Variants in SIK3 observed in about 807,000 individuals in gnomAD.
The protein encoded by SIK3 is SIK family kinase 3, also known as serine/threonine-protein kinase SIK3.
In SIK3, 28 loss-of-function variants were observed where a neutral mutation model predicts 144.2. The ratio of observed to expected loss-of-function variants is 0.19; its 90% CI spans 0.14 to 0.27. The LOEUF (loss-of-function observed/expected upper bound fraction) is 0.27. Ranked by LOEUF, SIK3 falls within the 10% of genes least tolerant of loss-of-function variation. The pLI, the probability that SIK3 is intolerant of heterozygous loss-of-function variation, is 1.00. For missense variants in SIK3, 1,319 were observed against 1,776.0 expected, an observed-to-expected ratio of 0.74 and a Z score of 4.62; for synonymous variants, 686 against 676.3, an observed-to-expected ratio of 1.01 and a Z score of -0.22.
intron 6 of SIK3, among the ~76,000 whole-genome samples, chr11:116,893,066 T>C (rs1945212769): frequency 6.6e-6 from 1 of 152,174 alleles, no homozygotes. Context: ...GAGAAATGGA[T>C]AAACAGGCAG....
intron 1 of SIK3, among the ~76,000 whole-genome samples, chr11:117,043,105 T>G (rs1407631341): frequency 2.0e-5 from 3 of 152,142 alleles, no homozygotes; most frequent in Admixed American, 2.0e-4. Context: ...AATTATAAAT[T>G]ATTGACTTGA....
chr11:117,019,621 CTT>C (rs570744315), intron 1 of SIK3, among the ~76,000 whole-genome samples: 1 of 146,448 alleles, frequency 6.8e-6, no homozygotes. Flanking sequence ...TCAACCCCTT[CTT>C]TTTTTTTTTT....
Position 117,049,646 on chromosome 11 carries a change from T to C in SIK3, c.273+48497A>G, listed in dbSNP as rs571472439. On this transcript the variant is annotated intron_variant, in intron 1 of 24. Transcript: ENST00000445177. ...AAAACCTTTTTTACCCCTGAAAATT[T>C]TATTCAAAATAGAGTTTTAAAATGG... Among the ~76,000 whole-genome samples the C allele has an allele frequency of 5.9e-5, 9 of 152,166 alleles. No individual in the cohort carries two copies. The South Asian group carries it at 1.9e-3, about 32-fold the overall frequency.
intron 1 of SIK3, 35 bp from the exon 2 acceptor site, chr11:116,957,099 T>C: frequency 8.0e-7 from 1 of 1,248,074 alleles, no homozygotes; most frequent in South Asian, 1.5e-5. Flanking sequence ...CTCTGATGCA[T>C]TATTAAAAGC....
At chr11:116,850,278 C>G (rs750963423) in intron 21 of SIK3, among the ~76,000 whole-genome samples, 6 of 152,216 alleles carry the variant, frequency 3.9e-5, no homozygotes, top group Non-Finnish European at 8.8e-5. Context: ...CTGCCCTGGG[C>G]TATCTTCCAA....
At chr11:117,021,652 G>A (rs77955134) in intron 1 of SIK3, among the ~76,000 whole-genome samples, 11,017 of 151,828 alleles carry the variant, frequency 0.073, 486 homozygotes, top group Middle Eastern at 0.11. Flanking sequence ...CACTATCTTT[G>A]TCAACCATTA....
At chr11:117,063,759 G>A (rs556578745) in intron 1 of SIK3, among the ~76,000 whole-genome samples, 61 of 151,644 alleles carry the variant, frequency 4.0e-4, no homozygotes, top group South Asian at 1.5e-3. Flanking sequence ...TAGTAGAGAC[G>A]GGGTTTCACC....
intron 1 of SIK3, among the ~76,000 whole-genome samples, chr11:116,966,747 T>A (rs1949561945): frequency 6.6e-6 from 1 of 151,744 alleles, no homozygotes; most frequent in African/African-American, 2.4e-5. Flanking sequence ...AAAAATGAAA[T>A]TTTGCACTTT....
chr11:116,917,268 T>C (rs914740765), intron 4 of SIK3, among the ~76,000 whole-genome samples: 19 of 152,174 alleles, frequency 1.2e-4, no homozygotes, highest in African/African-American at 4.6e-4. Context: ...GGCAGACTTA[T>C]ATAAACGTTC....
intron 1 of SIK3, among the ~76,000 whole-genome samples, chr11:117,054,746 T>C (rs1298151675): frequency 7.2e-5 from 11 of 152,062 alleles, no homozygotes; most frequent in Non-Finnish European, 2.9e-5. Context: ...TTAGACAACA[T>C]AGTGAGACCC....
chr11:116,859,699 G>C (rs562025715), intron 19 of SIK3, 95 bp from the exon 20 acceptor site: 1 of 1,044,860 alleles, frequency 9.6e-7, no homozygotes, highest in South Asian at 1.6e-5. Context: ...CGACATACCA[G>C]CTAGAACAGT....
chr11:116,967,003 C>CAAAAAAAAAAAA (rs780692335), intron 1 of SIK3, among the ~76,000 whole-genome samples: 15 of 100,002 alleles, frequency 1.5e-4, no homozygotes, highest in East Asian at 5.2e-4. Flanking sequence ...GACTCTGTTT[C>CAAAAAAAAAAAA]AAAAAAAAAA....
chr11:116,858,739 A>C lies in SIK3; in HGVS notation c.2766-40T>G. ...GGGAGTACCAGACATCCATGTAACAAGTACTAGACTTCCTGGGAACAGCTC... is the reference window on the plus strand; with the variant it reads ...GGGAGTACCAGACATCCATGTAACACGTACTAGACTTCCTGGGAACAGCTC... On this transcript the variant is annotated intron_variant, in intron 20 of 24. Coordinates refer to ENST00000445177, the MANE Select transcript of SIK3 (RefSeq NM_001366686.3). The surrounding 1 kb of genome is among the most constrained non-coding windows in gnomAD (Gnocchi z 5.4). 1 of 1,515,318 alleles carries C rather than the reference A, an allele frequency of 6.6e-7. No homozygotes were observed. Among genetic ancestry groups the C allele is most frequent in the South Asian group, 1.3e-5 (1 of 75,148 alleles). The allele number at this position is 1,515,318 out of a possible 1,614,324, so 93.9% of individuals were successfully genotyped here. A position where few individuals can be genotyped will look rare whatever the true frequency, so the allele number is the denominator to read the frequency against.
chr11:116,858,668 A>G lies in SIK3; in HGVS notation c.2797T>C (p.Tyr933His). 1 of 1,563,756 alleles carries G rather than the reference A, an allele frequency of 6.4e-7. No homozygotes were observed. The highest frequency in any genetic ancestry group is 8.7e-7 in the Non-Finnish European group (1 of 1,154,570). The change falls in exon 21 of 25, where the codon TAC becomes CAC. Residue 933 changes from tyrosine (Y) to histidine (H), a missense_variant. By Grantham distance (83) the Tyr-to-His change is moderately conservative. This residue lies in a region of SIK3 where 646 missense variants were observed against 763.7 expected (regional missense o/e 0.85). Coordinates refer to ENST00000445177, the MANE Select transcript of SIK3 (RefSeq NM_001366686.3). The surrounding 1 kb of genome is among the most constrained non-coding windows in gnomAD (Gnocchi z 5.4). ...TGGGGGTGTAAATGCGCCTGGTCGT[A>G]GTTAGCAGGGGAGAACCGATTCACG... ...LNVNRFSPAN[Y>H]DQAHLHPHLF...
rs1295696160 is a variant in SIK3, at chr11:116,945,260, G to A, written c.454+8784C>T. Among the ~76,000 whole-genome samples the A allele has an allele frequency of 3.9e-5, 6 of 152,116 alleles. No homozygotes were observed. In the South Asian group the frequency reaches 1.2e-3, roughly 32 times the overall value. On this transcript the variant is annotated intron_variant, in intron 3 of 24. Coordinates refer to ENST00000445177, the MANE Select transcript of SIK3 (RefSeq NM_001366686.3). ...AGGCGTGAGCACAACAGCAACATGT[G>A]GACAGTGGCTGTCGTGTTGGGCAGT...
chr11:116,891,419 C>G (rs1174153677), intron 6 of SIK3, among the ~76,000 whole-genome samples: 1 of 152,194 alleles, frequency 6.6e-6, no homozygotes, highest in Admixed American at 6.5e-5. Context: ...AGTTCGAGTT[C>G]AGTCTGGACA....
chr11:116,848,276 G>A (rs1942155941), intron 22 of SIK3, among the ~76,000 whole-genome samples: 1 of 152,188 alleles, frequency 6.6e-6, no homozygotes, highest in African/African-American at 2.4e-5. Flanking sequence ...GAACCCGGGA[G>A]GCGGAGCTTG....
intron 3 of SIK3, among the ~76,000 whole-genome samples, chr11:116,937,388 C>G (rs972317832): frequency 6.6e-6 from 1 of 152,188 alleles, no homozygotes; most frequent in South Asian, 2.1e-4. Flanking sequence ...TCTTACATAA[C>G]TGAAACAATT....
At chr11:117,096,260 C>T (rs1399888716) in intron 1 of SIK3, among the ~76,000 whole-genome samples, 1 of 152,158 alleles carries the variant, frequency 6.6e-6, no homozygotes, top group African/African-American at 2.4e-5. Flanking sequence ...TATCCAAGGG[C>T]TGGAAGATTC....
Sources: gnomAD v4.1 joint callset for allele counts (sites outside exome capture counted in the v4.1 genomes callset) on GRCh38, gnomAD v4.1.1 for gene constraint, gnomAD v4.1.1 regional missense constraint, Gnocchi (gnomAD v3.1) non-coding constraint, MANE v1.5 for transcripts, NCBI Gene and HGNC (gene_info 2026-07-23, HGNC 2026-07-21) for gene names.